SORCS1: variants seen among roughly 807,000 people sequenced by gnomAD.
SORCS1 encodes sortilin related VPS10 domain containing receptor 1.
In SORCS1, 60 loss-of-function variants were observed where a neutral mutation model predicts 146.1. The observed-to-expected ratio is 0.41, with a 90% CI of 0.33 to 0.51. SORCS1 has a LOEUF of 0.51. Among genes scored for constraint, SORCS1 ranks in the 20% least tolerant of loss-of-function variants. The probability of loss-of-function intolerance (pLI) is 0.21; values close to 1 mark genes in which losing one functional copy is unlikely to be tolerated. For synonymous variants in SORCS1, 637 were observed against 584.0 expected, an observed-to-expected ratio of 1.09 and a Z score of -1.31; for missense variants, 1,352 against 1,487.6, an observed-to-expected ratio of 0.91 and a Z score of 1.50.
chr10:107,095,344 G>A (rs902579524), intron 1 of SORCS1, among the ~76,000 whole-genome samples: 2 of 152,168 alleles, frequency 1.3e-5, no homozygotes, highest in Non-Finnish European at 2.9e-5. Context: ...ATTCTTTAGT[G>A]GGAGCCTGCA....
At chr10:106,652,280 C>G (rs1849922136) in intron 18 of SORCS1, 102 bp downstream of exon 18, 1 of 1,307,414 alleles carries the variant, frequency 7.6e-7, no homozygotes, top group African/African-American at 1.5e-5. Context: ...TAAATAGCAT[C>G]TAAAATGGAG....
chr10:106,686,978 A>G (rs546552721), intron 10 of SORCS1, among the ~76,000 whole-genome samples: 15 of 152,274 alleles, frequency 9.9e-5, no homozygotes, highest in African/African-American at 3.6e-4. Flanking sequence ...CCTCCCCTAC[A>G]AGCCCTTCTT....
chr10:107,065,466 C>A (rs1351194898), intron 1 of SORCS1, among the ~76,000 whole-genome samples: 1 of 58,976 alleles, frequency 1.7e-5, no homozygotes, highest in Admixed American at 2.4e-4. Context: ...CTTTCTCTCT[C>A]CCTCTCCTCT....
At chr10:106,807,496 A>C (rs938319127) in intron 3 of SORCS1, among the ~76,000 whole-genome samples, 2 of 152,178 alleles carry the variant, frequency 1.3e-5, no homozygotes, top group African/African-American at 2.4e-5. Context: ...CATGCAAGAA[A>C]AGTAATTTCT....
intron 1 of SORCS1, among the ~76,000 whole-genome samples, chr10:106,979,454 T>A (rs1234011634): frequency 6.6e-6 from 1 of 152,204 alleles, no homozygotes; most frequent in Admixed American, 6.5e-5. Context: ...CCTCAAATCA[T>A]GTTTGGTTTG....
At chr10:107,088,816 A>G (rs1390890962) in intron 1 of SORCS1, among the ~76,000 whole-genome samples, 1 of 152,122 alleles carries the variant, frequency 6.6e-6, no homozygotes, top group Non-Finnish European at 1.5e-5. Flanking sequence ...TAGCCCCTGA[A>G]TTTGTCATGG....
At chr10:107,114,855 T>A (rs751620869) in intron 1 of SORCS1, among the ~76,000 whole-genome samples, 120 of 152,216 alleles carry the variant, frequency 7.9e-4, no homozygotes, top group Middle Eastern at 3.4e-3. Context: ...CAGAAAAACT[T>A]AAACATTCTA....
chr10:106,916,653 T>C (rs1268474723), intron 2 of SORCS1, among the ~76,000 whole-genome samples: 1 of 148,982 alleles, frequency 6.7e-6, no homozygotes, highest in Non-Finnish European at 1.5e-5. Context: ...ATTTATAAAA[T>C]AATAAATTAT....
In SORCS1 at chr10:106,607,185, G is replaced by A. The variant is rs1484634581; in HGVS notation, c.3146C>T (p.Ser1049Leu). 3 of 1,614,054 alleles carry A rather than the reference G, an allele frequency of 1.9e-6. No homozygotes were observed. In the Admixed American group the frequency reaches 5.0e-5, roughly 27 times the overall value. Residue 1049 changes from serine to leucine, a missense_variant, in exon 23 of 26, where the codon TCA becomes TTA. Around this residue, in one of 3 missense-constraint regions of SORCS1, gnomAD observed 214 missense variants for 204.8 expected, o/e 1.05. Coordinates refer to ENST00000263054, the MANE Select transcript of SORCS1 (RefSeq NM_052918.5). ...YQDPAGENKRSTDDLEQISEL... is the reference protein window; with the variant it reads ...YQDPAGENKRLTDDLEQISEL... Reference sequence around the variant, plus strand: ...ACTCACCTGCTCCAGGTCATCAGTTGACCTTTTGTTTTCTCCAGCTGGATC... The same window carrying A: ...ACTCACCTGCTCCAGGTCATCAGTTAACCTTTTGTTTTCTCCAGCTGGATC...
At chr10:106,624,686 C>G (rs1847980589) in intron 19 of SORCS1, among the ~76,000 whole-genome samples, 2 of 152,154 alleles carry the variant, frequency 1.3e-5, no homozygotes, top group African/African-American at 4.8e-5. Flanking sequence ...AAGAGAAATT[C>G]AAGACACATA....
At chr10:106,786,153 G>C (rs972348351) in intron 3 of SORCS1, among the ~76,000 whole-genome samples, 1 of 152,140 alleles carries the variant, frequency 6.6e-6, no homozygotes, top group African/African-American at 2.4e-5. Context: ...AAAGAGAAAA[G>C]GAGTTCTATT....
intron 3 of SORCS1, among the ~76,000 whole-genome samples, chr10:106,798,473 T>C (rs1249391448): frequency 7.0e-6 from 1 of 142,104 alleles, no homozygotes; most frequent in African/African-American, 2.6e-5. Context: ...GTGTGTGATG[T>C]TCCCCTTCCT....
intron 2 of SORCS1, among the ~76,000 whole-genome samples, chr10:106,853,194 T>C (rs1211562537): frequency 2.6e-5 from 4 of 152,216 alleles, no homozygotes; most frequent in Admixed American, 2.6e-4. Flanking sequence ...ATGTGAGTTT[T>C]GGCAGATTGT....
chr10:106,592,050 A>G (rs1589680817), intron 24 of SORCS1, among the ~76,000 whole-genome samples: 1 of 152,206 alleles, frequency 6.6e-6, no homozygotes, highest in Non-Finnish European at 1.5e-5. Flanking sequence ...GCCAGCTGCC[A>G]TCAGGTACTA....
chr10:106,709,387 TACAG>T (rs768986330), intron 6 of SORCS1, 46 bp from the exon 7 acceptor site: 45 of 1,089,048 alleles, frequency 4.1e-5, no homozygotes, highest in East Asian at 2.5e-4. Context: ...GAGGGGGATA[TACAG>T]ACAGAGATTT....
chr10:106,922,232 C>T (rs568952622), intron 2 of SORCS1, among the ~76,000 whole-genome samples: 3 of 152,202 alleles, frequency 2.0e-5, no homozygotes, highest in South Asian at 2.1e-4. Context: ...AGGTGACATA[C>T]GCTAAACACA....
At chr10:106,968,323 G>A (rs1197900322) in intron 1 of SORCS1, among the ~76,000 whole-genome samples, 1 of 152,254 alleles carries the variant, frequency 6.6e-6, no homozygotes, top group Non-Finnish European at 1.5e-5. Flanking sequence ...CTTCCCTGAT[G>A]TGATGATCTG....
At chr10:107,084,405 G>C (rs1052019557) in intron 1 of SORCS1, among the ~76,000 whole-genome samples, 2 of 151,804 alleles carry the variant, frequency 1.3e-5, no homozygotes, top group Non-Finnish European at 2.9e-5. Context: ...ACCTGGCCAG[G>C]AAAAGGTTTT....
chr10:106,860,297 T>C (rs1191299161), intron 2 of SORCS1, among the ~76,000 whole-genome samples: 1 of 152,230 alleles, frequency 6.6e-6, no homozygotes, highest in Non-Finnish European at 1.5e-5. Flanking sequence ...CTTTGTGACA[T>C]GTTCTATCTT....
Sources: allele counts gnomAD v4.1 joint callset (sites outside exome capture counted in the v4.1 genomes callset), GRCh38; gene constraint gnomAD v4.1.1; regional missense constraint gnomAD v4.1.1; transcripts MANE v1.5; gene names NCBI Gene and HGNC (gene_info 2026-07-23, HGNC 2026-07-21).